The following PSMA1 variants were observed in gnomAD, a reference collection of about 807,000 sequenced individuals.
PSMA1 encodes the protein proteasome 20S subunit alpha 1.
In PSMA1, 3 loss-of-function variants were observed where a neutral mutation model predicts 38.4. The observed-to-expected ratio is 0.08, with a 90% CI of 0.04 to 0.20. The LOEUF is 0.20. Among genes scored for constraint, PSMA1 ranks in the 10% least tolerant of loss-of-function variants. The pLI is 1.00. For missense variants in PSMA1, 227 were observed against 325.3 expected (o/e 0.70, Z 2.32); for synonymous variants, 101 against 107.1 (o/e 0.94, Z 0.35).
At chr11:14,602,825 T>C (rs1249336407) in intron 2 of PSMA1, among the ~76,000 whole-genome samples, 1 of 152,168 alleles carries the variant, frequency 6.6e-6, no homozygotes, top group Non-Finnish European at 1.5e-5. Context: ...GGATTAGGTG[T>C]GGGCTCAGCA....
At chr11:14,593,455 A>C (rs1852446009) in intron 2 of PSMA1, among the ~76,000 whole-genome samples, 2 of 152,150 alleles carry the variant, frequency 1.3e-5, no homozygotes, top group African/African-American at 4.8e-5. Context: ...AAGTTGTTAG[A>C]GCTTTCTTTA....
In PSMA1 at chr11:14,638,543, CTCTATATATATATATATATATATATA is replaced by C. The variant is rs1455706752; in HGVS notation, c.-166+4886_-166+4911del. ...TCTCTCTCTCTCTCTCTCTCTCTCT[CTCTATATATATATATATATATATATA>C]TATATATATATATATATTTTTTTTT... is the stretch of plus-strand genomic sequence containing the variant. On this transcript the variant is annotated intron_variant, in intron 1 of 10. Coordinates refer to the PSMA1 transcript ENST00000418988. 8.3e-3 allele frequency among the ~76,000 whole-genome samples: 110 copies of C among 13,308 alleles called. 1 individual carries two copies. Among genetic ancestry groups the C allele is most frequent in the East Asian group, 0.036 (23 of 638 alleles). 8.7% of individuals were successfully genotyped at this position (13,308 alleles called of 152,430 possible). A position where few individuals can be genotyped will look rare whatever the true frequency, so the allele number is the denominator to read the frequency against.
intron 1 of PSMA1, among the ~76,000 whole-genome samples, chr11:14,634,766 T>C (rs889614554): frequency 1.3e-5 from 2 of 152,242 alleles, no homozygotes; most frequent in Admixed American, 1.3e-4. Flanking sequence ...GGAATGAAGC[T>C]AATATATCCC....
chr11:14,607,823 T>A (rs1852661792), intron 2 of PSMA1, among the ~76,000 whole-genome samples: 1 of 152,216 alleles, frequency 6.6e-6, no homozygotes, highest in South Asian at 2.1e-4. Flanking sequence ...AAGAGTTCTA[T>A]TTCACTGGAA....
At chr11:14,628,206 G>T (rs954821617) in intron 1 of PSMA1, among the ~76,000 whole-genome samples, 9 of 151,246 alleles carry the variant, frequency 6.0e-5, no homozygotes, top group Admixed American at 1.3e-4. Flanking sequence ...TAGGGTACAC[G>T]TGCACATTGT....
chr11:14,627,986 G>C (rs1383330730), intron 1 of PSMA1, among the ~76,000 whole-genome samples: 1 of 152,118 alleles, frequency 6.6e-6, no homozygotes, highest in African/African-American at 2.4e-5. Context: ...TTAGGAACCA[G>C]GCTGCACAAC....
At chr11:14,588,283 A>G (rs918339354) in intron 2 of PSMA1, among the ~76,000 whole-genome samples, 7 of 152,234 alleles carry the variant, frequency 4.6e-5, no homozygotes, top group Admixed American at 2.0e-4. Flanking sequence ...ATTTGGGCTG[A>G]GGGAATGGCA....
At chr11:14,575,265 G>A (rs1353556461) in intron 2 of PSMA1, among the ~76,000 whole-genome samples, 1 of 152,052 alleles carries the variant, frequency 6.6e-6, no homozygotes, top group African/African-American at 2.4e-5. Context: ...ATTTATTATA[G>A]TTTAATTATA....
intron 2 of PSMA1, among the ~76,000 whole-genome samples, chr11:14,566,774 C>T (rs899427420): frequency 2.0e-5 from 3 of 151,972 alleles, no homozygotes; most frequent in African/African-American, 4.8e-5. Context: ...TAAACAGGAG[C>T]GCTGAGCAAA....
intron 1 of PSMA1, among the ~76,000 whole-genome samples, chr11:14,629,108 T>G (rs946658597): frequency 6.6e-6 from 1 of 152,102 alleles, no homozygotes; most frequent in African/African-American, 2.4e-5. Flanking sequence ...TTTCTCCCAT[T>G]TTGTAGGTTG....
At chr11:14,544,653 C>G (rs759973910) in intron 2 of PSMA1, among the ~76,000 whole-genome samples, 2 of 152,038 alleles carry the variant, frequency 1.3e-5, no homozygotes, top group African/African-American at 4.8e-5. Flanking sequence ...ACTAAGATGG[C>G]TACAATAAAA....
chr11:14,605,058 G>C (rs1852626526), intron 2 of PSMA1, among the ~76,000 whole-genome samples: 1 of 152,066 alleles, frequency 6.6e-6, no homozygotes, highest in African/African-American at 2.4e-5. Flanking sequence ...ATTTTCTTTT[G>C]GATATATACC....
intron 1 of PSMA1, among the ~76,000 whole-genome samples, chr11:14,629,122 G>C (rs1184326227): frequency 6.6e-6 from 1 of 152,094 alleles, no homozygotes; most frequent in African/African-American, 2.4e-5. Flanking sequence ...TAGGTTGTCT[G>C]TTCACTCTGA....
intron 2 of PSMA1, among the ~76,000 whole-genome samples, chr11:14,540,431 A>G (rs1851761196): frequency 6.6e-6 from 1 of 152,230 alleles, no homozygotes; most frequent in African/African-American, 2.4e-5. Flanking sequence ...GGTTCAGCGC[A>G]CACTTCCAGA....
At chr11:14,567,258 G>A (rs1405315656) in intron 2 of PSMA1, among the ~76,000 whole-genome samples, 3 of 152,168 alleles carry the variant, frequency 2.0e-5, no homozygotes, top group Admixed American at 2.0e-4. Context: ...TGCCTCTTGT[G>A]TCTGTTCAAA....
chr11:14,546,021 G>C (rs184816888), intron 2 of PSMA1, among the ~76,000 whole-genome samples: 111 of 150,152 alleles, frequency 7.4e-4, no homozygotes, highest in African/African-American at 2.6e-3. Flanking sequence ...AGACTCCTTT[G>C]GGGGGGTCCA....
intron 2 of PSMA1, among the ~76,000 whole-genome samples, chr11:14,609,222 G>A (rs1270886881): frequency 2.0e-5 from 3 of 152,210 alleles, no homozygotes; most frequent in Non-Finnish European, 2.9e-5. Flanking sequence ...TATGGTTCCA[G>A]ATCACATCAC....
intron 2 of PSMA1, among the ~76,000 whole-genome samples, chr11:14,574,944 C>G (rs1852194512): frequency 6.6e-6 from 1 of 152,128 alleles, no homozygotes; most frequent in Admixed American, 6.6e-5. Context: ...GGGTAACAGG[C>G]AGAGGTTGGA....
intron 2 of PSMA1, among the ~76,000 whole-genome samples, chr11:14,586,810 G>C (rs765129752): frequency 1.6e-4 from 24 of 151,518 alleles, no homozygotes; most frequent in Non-Finnish European, 2.8e-4. Context: ...CACCAGGCTG[G>C]AGTGCAGTGG....
Sources: gnomAD v4.1 joint callset for allele counts (sites outside exome capture counted in the v4.1 genomes callset) on GRCh38, gnomAD v4.1.1 for gene constraint, MANE v1.5 for transcripts, NCBI Gene and HGNC (gene_info 2026-07-23, HGNC 2026-07-21) for gene names.